The following MYO5B variants were observed in gnomAD, a reference collection of about 807,000 sequenced individuals.
The protein encoded by MYO5B is unconventional myosin-Vb.
Under a neutral mutation model 229.3 loss-of-function variants are expected in MYO5B, and 143 were observed. The observed-to-expected ratio is 0.62, with a 90% CI of 0.54 to 0.72. MYO5B has a LOEUF of 0.72. Ranked by LOEUF, MYO5B falls within the 30% of genes least tolerant of loss-of-function variation. The pLI, the probability that MYO5B is intolerant of heterozygous loss-of-function variation, is 0.00. For synonymous variants in MYO5B, 918 were observed against 885.2 expected (o/e 1.04, Z -0.66); for missense variants, 2,321 against 2,331.0 (o/e 1.00, Z 0.09).
intron 39 of MYO5B, among the ~76,000 whole-genome samples, chr18:49,828,742 T>C (rs1018088841): frequency 2.0e-5 from 3 of 151,904 alleles, no homozygotes; most frequent in Non-Finnish European, 4.4e-5. Flanking sequence ...TATAAATCAA[T>C]AAATGAAAGC....
rs140105557 is a variant in MYO5B, at chr18:50,009,045, G to A, written c.456-7634C>T. 3.0e-4 allele frequency among the ~76,000 whole-genome samples: 46 copies of A among 152,300 alleles called. No individual in the cohort carries two copies. The East Asian group carries it at 7.5e-3, about 25-fold the overall frequency. ...GGAAGACAGGGTAGAAAAATACAGT[G>A]ACAATGAATCTTGGAAACAATGGTG... On this transcript the variant is annotated intron_variant, in intron 4 of 39. Transcript: ENST00000285039.
chr18:50,026,633 T>C (rs1312560696), intron 4 of MYO5B, among the ~76,000 whole-genome samples: 1 of 152,218 alleles, frequency 6.6e-6, no homozygotes, highest in Non-Finnish European at 1.5e-5. Flanking sequence ...AATGGAATCT[T>C]ACTCAACTAT....
intron 1 of MYO5B, among the ~76,000 whole-genome samples, chr18:50,123,850 G>C (rs1351355718): frequency 6.6e-6 from 1 of 152,180 alleles, no homozygotes. Flanking sequence ...GCTGGTACTT[G>C]CCCTCATATA....
chr18:50,167,477 A>G (rs955978027), intron 1 of MYO5B, among the ~76,000 whole-genome samples: 2 of 152,222 alleles, frequency 1.3e-5, no homozygotes, highest in Admixed American at 6.5e-5. Context: ...TGCCACTTCA[A>G]TGTAGATAGG....
rs1231937001 is a variant in MYO5B at position 49,946,666 on chromosome 18, A to C, written c.1752+6594T>G. On this transcript the variant is annotated intron_variant, in intron 14 of 39. Transcript: ENST00000285039. ...TGTACCTAAGCTGGCACTGTGCTATAATCTGGAATCAACATAATCAAGGTT... is the reference window on the plus strand; with the variant it reads ...TGTACCTAAGCTGGCACTGTGCTATCATCTGGAATCAACATAATCAAGGTT... Among the ~76,000 whole-genome samples the C allele has an allele frequency of 0.011, 4 of 366 alleles. No individual in the cohort carries two copies. The East Asian group carries it at 0.12, about 11-fold the overall frequency. The allele number at this position is 366 out of a possible 152,430, so 0.2% of individuals were successfully genotyped here.
intron 29 of MYO5B, among the ~76,000 whole-genome samples, chr18:49,859,891 G>A (rs2024307320): frequency 6.6e-6 from 1 of 152,218 alleles, no homozygotes. Flanking sequence ...GGTCAAATGA[G>A]CCAACAGCTC....
intron 11 of MYO5B, 48 bp downstream of exon 11, chr18:49,962,901 A>T (rs746803386): frequency 6.7e-7 from 1 of 1,492,934 alleles, no homozygotes; most frequent in Admixed American, 1.7e-5. Flanking sequence ...TCCCTCCCAG[A>T]GGAGTCCCCC....
chr18:49,870,147 CA>C (rs1470050789), intron 27 of MYO5B, among the ~76,000 whole-genome samples: 1 of 152,138 alleles, frequency 6.6e-6, no homozygotes, highest in Non-Finnish European at 1.5e-5. Flanking sequence ...TCAATAACTC[CA>C]GAAGGAGATC....
chr18:50,163,352 A>AG (rs979579845), intron 1 of MYO5B, among the ~76,000 whole-genome samples: 1 of 150,052 alleles, frequency 6.7e-6, no homozygotes. Context: ...CTCCCAGGAG[A>AG]GGGGCAAACA....
intron 27 of MYO5B, 150 bp downstream of exon 27, chr18:49,872,017 G>C: frequency 1.3e-6 from 1 of 790,022 alleles, no homozygotes; most frequent in Non-Finnish European, 2.3e-6. Context: ...CAAAGGTTAA[G>C]AAACTACAGC....
chr18:49,964,099 A>G (rs2025594271), intron 10 of MYO5B, among the ~76,000 whole-genome samples: 1 of 152,214 alleles, frequency 6.6e-6, no homozygotes, highest in Admixed American at 6.5e-5. Flanking sequence ...CTTTGAATTC[A>G]TAATTCTTTC....
intron 22 of MYO5B, among the ~76,000 whole-genome samples, chr18:49,890,021 G>C (rs1158993407): frequency 6.6e-6 from 1 of 152,144 alleles, no homozygotes; most frequent in East Asian, 1.9e-4. Flanking sequence ...TTTCTTGCTT[G>C]CCTAAACAAT....
At chr18:49,940,514 G>A (rs1440727843) in intron 14 of MYO5B, among the ~76,000 whole-genome samples, 1 of 152,124 alleles carries the variant, frequency 6.6e-6, no homozygotes, top group African/African-American at 2.4e-5. Flanking sequence ...CCATTTCCAT[G>A]GGGCTTCTTG....
At chr18:49,835,776 T>G (rs920628488) in intron 38 of MYO5B, among the ~76,000 whole-genome samples, 10 of 152,248 alleles carry the variant, frequency 6.6e-5, no homozygotes, top group African/African-American at 2.4e-4. Flanking sequence ...TGAAGAGTAC[T>G]GGAGATCTTA....
At chr18:50,188,789 A>T (rs1319762054) in intron 1 of MYO5B, among the ~76,000 whole-genome samples, 58 of 59,586 alleles carry the variant, frequency 9.7e-4, no homozygotes, top group African/African-American at 4.7e-3. Context: ...CTGTCATAAA[A>T]AAAAAAAAAA....
chr18:50,055,225 GCCCCACCTCAC>G, intron 2 of MYO5B, 32 bp downstream of exon 2: 10 of 700,344 alleles, frequency 1.4e-5, no homozygotes, highest in East Asian at 5.3e-5. Flanking sequence ...TGAGCTCCCT[GCCCCACCTCAC>G]CCCCGCCCCC....
chr18:49,932,858 T>C (rs2025209161), intron 16 of MYO5B, among the ~76,000 whole-genome samples: 1 of 152,020 alleles, frequency 6.6e-6, no homozygotes, highest in South Asian at 2.1e-4. Context: ...CATCTCTCAA[T>C]CCGCCTCACT....
rs532388583 is a variant in MYO5B, at chr18:50,116,949, C to T, written c.28-61571G>A. 1.3e-4 allele frequency among the ~76,000 whole-genome samples: 20 copies of T among 152,206 alleles called. No homozygotes were observed. The South Asian group carries it at 2.1e-3, about 16-fold the overall frequency. Reference sequence around the variant, plus strand: ...ATGAAGGTATTTCCTACATAAGACTCACATACCCAACTTTTTTGACAATGA... The same window carrying T: ...ATGAAGGTATTTCCTACATAAGACTTACATACCCAACTTTTTTGACAATGA... On this transcript the variant is annotated intron_variant, in intron 1 of 39. Transcript: ENST00000285039.
intron 14 of MYO5B, among the ~76,000 whole-genome samples, chr18:49,942,541 A>G (rs1353761837): frequency 1.3e-5 from 2 of 152,124 alleles, no homozygotes; most frequent in Non-Finnish European, 2.9e-5. Flanking sequence ...AACCCCATCA[A>G]AAAGTGGGCG....
Sources: gnomAD v4.1 joint callset for allele counts (sites outside exome capture counted in the v4.1 genomes callset) on GRCh38, gnomAD v4.1.1 for gene constraint, MANE v1.5 for transcripts, NCBI Gene and HGNC (gene_info 2026-07-23, HGNC 2026-07-21) for gene names.